The following VOPP1 variants were observed in gnomAD, a reference collection of about 807,000 sequenced individuals.
VOPP1 encodes WW domain binding protein VOPP1.
In VOPP1, 8 loss-of-function variants were observed where a neutral mutation model predicts 23.5. The ratio of observed to expected loss-of-function variants is 0.34; its 90% confidence interval spans 0.20 to 0.61. The LOEUF (loss-of-function observed/expected upper bound fraction) is 0.61, where lower values mean the gene tolerates loss of function less well. Ranked by LOEUF, VOPP1 falls within the 20% of genes least tolerant of loss-of-function variation. VOPP1 has a pLI of 0.78. For synonymous variants in VOPP1, 83 were observed against 97.3 expected, an observed-to-expected ratio of 0.85 and a Z score of 0.86; for missense variants, 174 against 238.1, an observed-to-expected ratio of 0.73 and a Z score of 1.77.
rs528460669 is a variant in VOPP1 at position 55,477,719 on chromosome 7, T to C, written c.329-4674A>G. Among the ~76,000 whole-genome samples the C allele has an allele frequency of 4.6e-5, 7 of 152,292 alleles. No individual in the cohort carries two copies. In the East Asian group the frequency reaches 5.8e-4, roughly 13 times the overall value. ...AACTGGTGGGACGGGATTGAAATAT[T>C]TGAACATGGAGATGGAGAGGTATTT... On this transcript the variant is annotated intron_variant, in intron 4 of 4. Coordinates refer to ENST00000285279, the MANE Select transcript of VOPP1 (RefSeq NM_030796.5).
intron 1 of VOPP1, among the ~76,000 whole-genome samples, chr7:55,541,474 C>T (rs1231213817): frequency 1.3e-5 from 2 of 152,140 alleles, no homozygotes; most frequent in Non-Finnish European, 2.9e-5. Context: ...CAAGTATTGG[C>T]GAAAATGTGG....
intron 4 of VOPP1, among the ~76,000 whole-genome samples, chr7:55,481,322 T>C (rs1583864567): frequency 6.6e-6 from 1 of 152,216 alleles, no homozygotes; most frequent in African/African-American, 2.4e-5. Flanking sequence ...CTCAAAGTGC[T>C]TCTGTGGCAC....
intron 4 of VOPP1, among the ~76,000 whole-genome samples, chr7:55,449,787 A>G (rs1407328789): frequency 2.0e-5 from 3 of 151,014 alleles, no homozygotes; most frequent in African/African-American, 7.3e-5. Context: ...TGTGCCCTCT[A>G]CCGCCCCTGC....
chr7:55,478,623 C>A (rs1792453966), intron 4 of VOPP1, among the ~76,000 whole-genome samples: 2 of 152,174 alleles, frequency 1.3e-5, no homozygotes, highest in African/African-American at 2.4e-5. Context: ...TGAGAACTGA[C>A]CGGATGTTGG....
intron 4 of VOPP1, among the ~76,000 whole-genome samples, chr7:55,457,171 A>C (rs1405155100): frequency 6.6e-6 from 1 of 152,052 alleles, no homozygotes; most frequent in African/African-American, 2.4e-5. Context: ...GCTCCCATAT[A>C]TTGCTGACAA....
intron 1 of VOPP1, chr7:55,526,843 AAAG>A (rs896668930): frequency 2.6e-5 from 4 of 152,386 alleles, no homozygotes; most frequent in Non-Finnish European, 5.9e-5. Flanking sequence ...GGACGGCCCC[AAAG>A]AAGATCAGCC....
intron 2 of VOPP1, among the ~76,000 whole-genome samples, chr7:55,501,079 C>T (rs1391401820): frequency 1.3e-5 from 2 of 152,252 alleles, no homozygotes; most frequent in African/African-American, 4.8e-5. Context: ...GACCCACAGA[C>T]AGGAACTCAG....
At chr7:55,474,381 T>C (rs367743839) in intron 4 of VOPP1, among the ~76,000 whole-genome samples, 12 of 152,196 alleles carry the variant, frequency 7.9e-5, no homozygotes, top group East Asian at 5.8e-4. Context: ...CCAAGGATTT[T>C]TAAAAAGAGG....
chr7:55,463,045 ATTAT>A lies in VOPP1; in HGVS notation n.418-26875_418-26872del, dbSNP rs566935156. ...GTTGTTTTTCTGATTTCTCTGTATT[ATTAT>A]TTATTTCTAGTTTTATTCCATTGTA... On this transcript the variant is annotated intron_variant and non_coding_transcript_variant, in intron 4 of 4. Transcript: ENST00000462326. Among the ~76,000 whole-genome samples the A allele has an allele frequency of 1.1e-3, 165 of 152,060 alleles. No individual in the cohort carries two copies. The Middle Eastern group carries it at 0.014, about 13-fold the overall frequency.
intron 1 of VOPP1, among the ~76,000 whole-genome samples, chr7:55,555,571 G>A (rs1019765935): frequency 1.3e-5 from 2 of 152,180 alleles, no homozygotes; most frequent in Non-Finnish European, 1.5e-5. Flanking sequence ...CCAGCTCTTA[G>A]TGGTCATGCC....
At chr7:55,528,825 CAG>C (rs1381738305) in intron 1 of VOPP1, among the ~76,000 whole-genome samples, 1 of 152,054 alleles carries the variant, frequency 6.6e-6, no homozygotes, top group Non-Finnish European at 1.5e-5. Context: ...CAAACAAATA[CAG>C]AGTCAGCAAT....
intron 2 of VOPP1, 133 bp downstream of exon 2, chr7:55,520,939 G>T (rs1041362980): frequency 3.3e-6 from 3 of 901,640 alleles, no homozygotes; most frequent in Non-Finnish European, 5.1e-6. Flanking sequence ...CCCCCAGTGA[G>T]GCAAGCCTGG....
rs936402651 is a variant in VOPP1 at position 55,512,472 on chromosome 7, TA to T, written c.113+8599del. Among the ~76,000 whole-genome samples the T allele has an allele frequency of 5.8e-4, 88 of 152,058 alleles. 1 individual carries two copies. Among genetic ancestry groups the T allele is most frequent in the Non-Finnish European group, 1.9e-4 (13 of 68,006 alleles). ...AAATCAAGGTCACATTTTAGGGGTC[TA>T]AAGTTCTTAAGCAGAAGATCACCAG... On this transcript the variant is annotated intron_variant, in intron 2 of 4. Transcript: ENST00000285279.
chr7:55,562,708 C>G (rs1332440783), intron 1 of VOPP1, among the ~76,000 whole-genome samples: 1 of 152,040 alleles, frequency 6.6e-6, no homozygotes, highest in African/African-American at 2.4e-5. Context: ...AGATATTAAG[C>G]GTGAGGGGAT....
intron 1 of VOPP1, among the ~76,000 whole-genome samples, chr7:55,563,627 CAT>C (rs1236743008): frequency 1.3e-5 from 2 of 152,120 alleles, no homozygotes; most frequent in African/African-American, 4.8e-5. Flanking sequence ...CATTTATGTT[CAT>C]ATATATCTTA....
chr7:55,552,665 C>T (rs780627207), intron 1 of VOPP1: 2 of 1,535,990 alleles, frequency 1.3e-6, no homozygotes, highest in African/African-American at 1.4e-5. Flanking sequence ...TATGACACCG[C>T]CTTCCAACAA....
At chr7:55,449,254 G>A (rs1791180581) in intron 4 of VOPP1, among the ~76,000 whole-genome samples, 1 of 152,210 alleles carries the variant, frequency 6.6e-6, no homozygotes, top group African/African-American at 2.4e-5. Context: ...GCGGCACAGG[G>A]GACGGCCGGG....
At chr7:55,498,660 G>A (rs897726307) in intron 2 of VOPP1, among the ~76,000 whole-genome samples, 1 of 152,248 alleles carries the variant, frequency 6.6e-6, no homozygotes, top group South Asian at 2.1e-4. Flanking sequence ...TGTGATCTAG[G>A]TTCCTGCCAG....
At chr7:55,488,802 C>T (rs1026045607) in intron 4 of VOPP1, among the ~76,000 whole-genome samples, 8 of 152,206 alleles carry the variant, frequency 5.3e-5, no homozygotes, top group Non-Finnish European at 8.8e-5. Context: ...AAATGGGGCT[C>T]TGCTGAAAAT....
Sources: gnomAD v4.1 joint callset for allele counts (sites outside exome capture counted in the v4.1 genomes callset) on GRCh38, gnomAD v4.1.1 for gene constraint, MANE v1.5 for transcripts, NCBI Gene and HGNC (gene_info 2026-07-23, HGNC 2026-07-21) for gene names.